The following HDGFL3 variants were observed in gnomAD, a reference collection of about 807,000 sequenced individuals.
HDGFL3 encodes the protein hepatoma-derived growth factor-related protein 3.
Under a neutral mutation model 27.6 loss-of-function variants are expected in HDGFL3, and 6 were observed. The observed-to-expected ratio is 0.22, with a 90% confidence interval of 0.12 to 0.43. The LOEUF is 0.43. Ranked by LOEUF, HDGFL3 falls within the 20% of genes least tolerant of loss-of-function variation. HDGFL3 has a pLI of 1.00. For synonymous variants in HDGFL3, 88 were observed against 88.9 expected (o/e 0.99, Z 0.05); for missense variants, 207 against 250.1 (o/e 0.83, Z 1.16).
intron 1 of HDGFL3, among the ~76,000 whole-genome samples, chr15:83,196,054 A>G (rs1391568616): frequency 6.6e-6 from 1 of 152,010 alleles, no homozygotes; most frequent in South Asian, 2.1e-4. Flanking sequence ...TTTATTAAAT[A>G]AACGGTCAAA....
intron 5 of HDGFL3, among the ~76,000 whole-genome samples, chr15:83,149,995 T>C (rs1238950792): frequency 2.0e-5 from 3 of 152,182 alleles, no homozygotes; most frequent in East Asian, 3.8e-4. Context: ...TATGAATTAC[T>C]TGGGGTTGAG....
downstream of HDGFL3, among the ~76,000 whole-genome samples, chr15:83,127,051 G>A (rs1458440412): frequency 4.6e-5 from 7 of 151,950 alleles, no homozygotes; most frequent in East Asian, 5.8e-4. Context: ...AAAACTAGCC[G>A]GGCATGGTGG....
Position 83,136,646 on chromosome 15 carries a change from A to G in HDGFL3, c.*2624T>C, listed in dbSNP as rs770939874. On this transcript the variant is annotated 3_prime_UTR_variant, in exon 6 of 6. Transcript: ENST00000299633. ...CTACAAACCAGAGTTCTTCATAAAAACAAAGGCAGAAGAAAAAGTGGAATA... is the reference window on the plus strand; with the variant it reads ...CTACAAACCAGAGTTCTTCATAAAAGCAAAGGCAGAAGAAAAAGTGGAATA... The G allele has an allele frequency of 6.3e-7, 1 of 1,593,586 alleles. No individual in the cohort carries two copies. Among genetic ancestry groups the G allele is most frequent in the South Asian group, 1.2e-5 (1 of 86,432 alleles).
intron 4 of HDGFL3, among the ~76,000 whole-genome samples, chr15:83,156,851 G>A (rs1244346125): frequency 6.6e-6 from 1 of 151,992 alleles, no homozygotes; most frequent in East Asian, 1.9e-4. Context: ...CCGCCACCAT[G>A]CCCAGCTAAT....
intron 1 of HDGFL3, among the ~76,000 whole-genome samples, chr15:83,165,829 A>G (rs1323408147): frequency 5.3e-5 from 8 of 149,974 alleles, no homozygotes; most frequent in Non-Finnish European, 1.2e-4. Context: ...AAAGAAATAG[A>G]CTGACCAAGC....
intron 1 of HDGFL3, among the ~76,000 whole-genome samples, chr15:83,174,366 A>G (rs1212391553): frequency 1.3e-5 from 2 of 152,134 alleles, no homozygotes; most frequent in Non-Finnish European, 2.9e-5. Flanking sequence ...TTAGTTATCT[A>G]AATCAAGTTC....
chr15:83,126,762 T>C, downstream of HDGFL3: 1 of 1,612,610 alleles, frequency 6.2e-7, no homozygotes, highest in Non-Finnish European at 8.5e-7. Flanking sequence ...TAGATTGCTT[T>C]GGATTGCCCA....
Position 83,164,024 on chromosome 15 carries a change from T to G in HDGFL3, c.136A>C (p.Ile46Leu). ...AVKPPANKYP[I>L]FFFGTHETAF... ...GTTTCATGGGTGCCAAAAAAGAAGA[T>G]AGGATACTTGTTTGCTGGAGGCTTC... The change falls in exon 2 of 6, where the codon ATC becomes CTC. Residue 46 changes from isoleucine to leucine, a missense_variant. Transcript: ENST00000299633. 1 of 1,612,696 alleles carries G rather than the reference T, an allele frequency of 6.2e-7. No individual in the cohort carries two copies. The highest frequency in any genetic ancestry group is 8.5e-7 in the Non-Finnish European group (1 of 1,179,412).
chr15:83,169,732 C>G (rs1380724568), intron 1 of HDGFL3, among the ~76,000 whole-genome samples: 3 of 151,398 alleles, frequency 2.0e-5, no homozygotes, highest in Non-Finnish European at 4.4e-5. Flanking sequence ...ACCCAGGAGG[C>G]AAGGTTGCAG....
chr15:83,127,055 A>G (rs12439903), downstream of HDGFL3, among the ~76,000 whole-genome samples: 37,783 of 151,856 alleles, frequency 0.25, 5,053 homozygotes, highest in African/African-American at 0.34. Flanking sequence ...CTAGCCGGGC[A>G]TGGTGGCACA....
chr15:83,181,666 G>A (rs1208248788), intron 1 of HDGFL3, among the ~76,000 whole-genome samples: 1 of 152,140 alleles, frequency 6.6e-6, no homozygotes, highest in Admixed American at 6.6e-5. Context: ...AGTAGAGAAA[G>A]GGTTTCACTA....
chr15:83,207,533 G>A lies in HDGFL3; in HGVS notation c.-119C>T, dbSNP rs1350596873. 1.3e-6 allele frequency: 1 copy of A among 761,198 alleles called. No homozygotes were observed. The highest frequency in any genetic ancestry group is 1.8e-6 in the Non-Finnish European group (1 of 560,756). The allele number at this position is 761,198 out of a possible 1,614,324, so 47.2% of individuals were successfully genotyped here. A position where few individuals can be genotyped will look rare whatever the true frequency, so the allele number is the denominator to read the frequency against. On this transcript the variant is annotated 5_prime_UTR_variant, in exon 1 of 6. Transcript: ENST00000299633. The surrounding 1 kb of genome is among the most constrained non-coding windows in gnomAD (Gnocchi z 4.8). ...CGGGCCTCAAGCCGGGCGGACGAGC[G>A]GCCGCTCCGACGAGGGGAAGCGGCG...
At chr15:83,199,848 C>T (rs1247338169) in intron 1 of HDGFL3, among the ~76,000 whole-genome samples, 3 of 151,002 alleles carry the variant, frequency 2.0e-5, no homozygotes, top group Non-Finnish European at 4.4e-5. Context: ...CAAGATCAGC[C>T]TGGCCTAGAT....
intron 1 of HDGFL3, among the ~76,000 whole-genome samples, chr15:83,176,085 C>T (rs1348130542): frequency 2.6e-5 from 4 of 152,198 alleles, no homozygotes; most frequent in South Asian, 2.1e-4. Flanking sequence ...TAGAGGAACA[C>T]GTCTTGCTTC....
chr15:83,196,617 C>CA (rs1425063958), intron 1 of HDGFL3, among the ~76,000 whole-genome samples: 2 of 151,174 alleles, frequency 1.3e-5, no homozygotes, highest in African/African-American at 4.9e-5. Context: ...AAAAAGATTT[C>CA]AAAAAAATTA....
chr15:83,186,269 G>C (rs2037441180), intron 1 of HDGFL3, among the ~76,000 whole-genome samples: 1 of 152,216 alleles, frequency 6.6e-6, no homozygotes, highest in Non-Finnish European at 1.5e-5. Flanking sequence ...ATATGGAGTA[G>C]CTCTGAAGAA....
At chr15:83,183,844 T>C (rs1285471781) in intron 1 of HDGFL3, among the ~76,000 whole-genome samples, 3 of 152,156 alleles carry the variant, frequency 2.0e-5, no homozygotes, top group Admixed American at 6.5e-5. Flanking sequence ...TGGTTTAAAT[T>C]TCTAGGAACC....
In HDGFL3 at chr15:83,137,239, A is replaced by G. The variant is rs549176314; in HGVS notation, c.*2031T>C. Reference sequence around the variant, plus strand: ...TAAATTTTTTTGTGTGAATTTAAACAGCTAAATAGGGATCAGTAACTTTAT... The same window carrying G: ...TAAATTTTTTTGTGTGAATTTAAACGGCTAAATAGGGATCAGTAACTTTAT... On this transcript the variant is annotated 3_prime_UTR_variant, in exon 6 of 6. Transcript: ENST00000299633. The G allele has an allele frequency of 5.9e-5, 9 of 152,316 alleles. No homozygotes were observed. The highest frequency in any genetic ancestry group is 1.9e-4 in the African/African-American group (8 of 41,594). 9.4% of individuals were successfully genotyped at this position (152,316 alleles called of 1,614,324 possible). A position where few individuals can be genotyped will look rare whatever the true frequency, so the allele number is the denominator to read the frequency against.
chr15:83,144,427 G>T (rs2036850084), intron 5 of HDGFL3: 1 of 456,060 alleles, frequency 2.2e-6, no homozygotes, highest in Non-Finnish European at 4.4e-6. Context: ...AAGCAAAAGT[G>T]ATGGGATGTC....
Sources: gnomAD v4.1 joint callset for allele counts (sites outside exome capture counted in the v4.1 genomes callset) on GRCh38, gnomAD v4.1.1 for gene constraint, Gnocchi (gnomAD v3.1) non-coding constraint, MANE v1.5 for transcripts, NCBI Gene and HGNC (gene_info 2026-07-23, HGNC 2026-07-21) for gene names.